The following CIT variants were observed in gnomAD, a reference collection of about 807,000 sequenced individuals.
CIT encodes the protein citron rho-interacting serine/threonine kinase.
Under a neutral mutation model 272.7 loss-of-function variants are expected in CIT, and 79 were observed. That is an observed-to-expected ratio of 0.29 (90% confidence interval 0.24 to 0.35). The LOEUF is 0.35. CIT is among the 10% of genes least tolerant of loss of function. CIT has a pLI of 1.00. For missense variants in CIT, 1,909 were observed against 2,618.3 expected, an observed-to-expected ratio of 0.73 and a Z score of 5.91; for synonymous variants, 948 against 995.6, an observed-to-expected ratio of 0.95 and a Z score of 0.90.
Position 119,712,397 on chromosome 12 carries a change from C to T in CIT, c.4685-50G>A. 6.5e-7 allele frequency: 1 copy of T among 1,543,038 alleles called. No homozygotes were observed. Among genetic ancestry groups the T allele is most frequent in the South Asian group, 1.2e-5 (1 of 83,140 alleles). ...ATTGGGTGTGGATTTCCCCCGTTCC[C>T]ACTGGGAGGGACGGGCCTGAGAGAT... On this transcript the variant is annotated intron_variant, in intron 36 of 47. Transcript: ENST00000392521. This position sits in a 1 kb window ranked among gnomAD's most constrained non-coding sequence, Gnocchi z 5.2.
intron 9 of CIT, among the ~76,000 whole-genome samples, chr12:119,819,557 T>C (rs1221485294): frequency 6.6e-6 from 1 of 152,230 alleles, no homozygotes; most frequent in Non-Finnish European, 1.5e-5. Context: ...AGTACTTCCT[T>C]TCATTGGTTA....
intron 46 of CIT, among the ~76,000 whole-genome samples, chr12:119,696,636 G>A (rs546314695): frequency 1.3e-5 from 2 of 152,198 alleles, no homozygotes; most frequent in African/African-American, 2.4e-5. Flanking sequence ...AGCAGTCCCC[G>A]CCACCTCAGC....
intron 22 of CIT, among the ~76,000 whole-genome samples, chr12:119,756,159 G>A (rs180714005): frequency 2.3e-4 from 35 of 152,360 alleles, no homozygotes; most frequent in African/African-American, 7.9e-4. Flanking sequence ...CCAGTAAGGA[G>A]TGGAGGTGGA....
At chr12:119,789,046 G>A (rs1468489567) in intron 10 of CIT, among the ~76,000 whole-genome samples, 3 of 152,082 alleles carry the variant, frequency 2.0e-5, no homozygotes, top group Non-Finnish European at 4.4e-5. Flanking sequence ...CACCTTCCCT[G>A]GTCCTCAATG....
chr12:119,702,516 T>C (rs1956649293), intron 41 of CIT, among the ~76,000 whole-genome samples: 1 of 151,856 alleles, frequency 6.6e-6, no homozygotes, highest in Non-Finnish European at 1.5e-5. Context: ...TGAAACCCCG[T>C]CTCTACTAAA....
chr12:119,792,022 TA>T (rs550606239), intron 10 of CIT, among the ~76,000 whole-genome samples: 1 of 152,058 alleles, frequency 6.6e-6, no homozygotes, highest in East Asian at 1.9e-4. Flanking sequence ...ATAACTTTGT[TA>T]AAAAAAATTA....
Position 119,705,006 on chromosome 12 carries a change from G to A in CIT, c.5212-551C>T, listed in dbSNP as rs564221479. On this transcript the variant is annotated intron_variant, in intron 40 of 47. Coordinates refer to ENST00000392521, the MANE Select transcript of CIT (RefSeq NM_001206999.2). ...CGGCTCACTGCAGCCTCCACCTCCC[G>A]GCTTCAAGCCATTCTCCCACCTCAG... is the stretch of plus-strand genomic sequence containing the variant. Among the ~76,000 whole-genome samples, 14 of 152,238 alleles carry A rather than the reference G, an allele frequency of 9.2e-5. No homozygotes were observed. The East Asian group carries it at 2.3e-3, about 25-fold the overall frequency.
chr12:119,859,758 G>C (rs1444069837), intron 3 of CIT, among the ~76,000 whole-genome samples: 4 of 151,950 alleles, frequency 2.6e-5, no homozygotes, highest in African/African-American at 9.7e-5. Flanking sequence ...AGGTTGTAGT[G>C]AGCAGAGATC....
chr12:119,698,983 G>A (rs935578897), intron 44 of CIT, among the ~76,000 whole-genome samples: 4 of 152,042 alleles, frequency 2.6e-5, no homozygotes, highest in Admixed American at 6.5e-5. Flanking sequence ...GGCTGGGCGC[G>A]GTGGCTCATG....
At chr12:119,729,481 T>A (rs1219299581) in intron 27 of CIT, among the ~76,000 whole-genome samples, 3 of 151,996 alleles carry the variant, frequency 2.0e-5, no homozygotes, top group African/African-American at 7.2e-5. Flanking sequence ...ATGCAATTTA[T>A]TTTTTTTAGA....
intron 5 of CIT, among the ~76,000 whole-genome samples, chr12:119,840,261 T>C (rs1465616471): frequency 2.0e-5 from 3 of 152,294 alleles, no homozygotes; most frequent in African/African-American, 7.2e-5. Context: ...GAGGCTACAA[T>C]GAGCTACGAT....
At chr12:119,873,716 A>G (rs1175547415) in intron 2 of CIT, among the ~76,000 whole-genome samples, 1 of 152,202 alleles carries the variant, frequency 6.6e-6, no homozygotes, top group Non-Finnish European at 1.5e-5. Context: ...GGTCCCACAG[A>G]AAAACCTAAG....
At chr12:119,801,363 C>A (rs1012840696) in intron 10 of CIT, among the ~76,000 whole-genome samples, 9 of 152,194 alleles carry the variant, frequency 5.9e-5, no homozygotes, top group African/African-American at 2.2e-4. Flanking sequence ...CTAAACTGAG[C>A]TTTCTGTGAG....
Position 119,712,149 on chromosome 12 carries a change from C to T in CIT, c.4854+29G>A, listed in dbSNP as rs776121828. On this transcript the variant is annotated intron_variant, in intron 37 of 47. Transcript: ENST00000392521. This position sits in a 1 kb window ranked among gnomAD's most constrained non-coding sequence, Gnocchi z 5.2. ...ACCAAGTCAGCCCCCTTTACAAAGA[C>T]AACCTCCAGGGCCCGCTTTCATACT... 2 of 1,546,810 alleles carry T rather than the reference C, an allele frequency of 1.3e-6. No homozygotes were observed. The highest frequency in any genetic ancestry group is 2.5e-5 in the South Asian group (2 of 80,578).
At chr12:119,840,186 T>TA (rs1969313660) in intron 5 of CIT, among the ~76,000 whole-genome samples, 2 of 152,110 alleles carry the variant, frequency 1.3e-5, no homozygotes, top group Admixed American at 1.3e-4. Flanking sequence ...GGCATGGTAG[T>TA]ATATGCCTAT....
chr12:119,823,701 T>A (rs954977386), intron 8 of CIT, among the ~76,000 whole-genome samples: 2 of 152,184 alleles, frequency 1.3e-5, no homozygotes, highest in African/African-American at 4.8e-5. Context: ...TTCCTTTTCC[T>A]TTTGGTTGAA....
chr12:119,868,109 G>A (rs993866188), intron 3 of CIT, among the ~76,000 whole-genome samples: 1 of 152,060 alleles, frequency 6.6e-6, no homozygotes, highest in Non-Finnish European at 1.5e-5. Context: ...GTGTGAGCCT[G>A]TAGTCCCAGC....
At chr12:119,832,648 C>T (rs1968720735) in intron 7 of CIT, 123 bp downstream of exon 7, 1 of 739,118 alleles carries the variant, frequency 1.4e-6, no homozygotes, top group African/African-American at 1.7e-5. Context: ...GTCCCCACCC[C>T]CATACACTGC....
chr12:119,709,599 G>C (rs982250092), intron 39 of CIT, among the ~76,000 whole-genome samples: 1 of 152,090 alleles, frequency 6.6e-6, no homozygotes, highest in South Asian at 2.1e-4. Flanking sequence ...TTTGAACACT[G>C]AATCGATATA....
Sources: allele counts gnomAD v4.1 joint callset (sites outside exome capture counted in the v4.1 genomes callset), GRCh38; gene constraint gnomAD v4.1.1; non-coding constraint Gnocchi (gnomAD v3.1); transcripts MANE v1.5; gene names NCBI Gene and HGNC (gene_info 2026-07-23, HGNC 2026-07-21).